The following IGF2BP1 variants were observed in gnomAD, a reference collection of about 807,000 sequenced individuals.
IGF2BP1 encodes the protein insulin like growth factor 2 mRNA binding protein 1, also known as insulin-like growth factor 2 mRNA-binding protein 1.
In IGF2BP1, 11 loss-of-function variants were observed where a neutral mutation model predicts 74.9. The ratio of observed to expected loss-of-function variants is 0.15; its 90% CI spans 0.09 to 0.24. The LOEUF is 0.24. Ranked by LOEUF, IGF2BP1 falls within the 10% of genes least tolerant of loss-of-function variation. The pLI is 1.00. For synonymous variants in IGF2BP1, 287 were observed against 281.8 expected (o/e 1.02, Z -0.18); for missense variants, 440 against 757.4 (o/e 0.58, Z 4.92).
chr17:49,040,204 C>A (rs1426434626), intron 7 of IGF2BP1, 113 bp downstream of exon 7: 2 of 1,156,798 alleles, frequency 1.7e-6, no homozygotes, highest in Non-Finnish European at 2.5e-6. Context: ...AGCAATTGCA[C>A]AAAAAGATGT....
At chr17:48,999,087 A>T (rs1046475025) in intron 1 of IGF2BP1, 22 bp from the exon 2 acceptor site, 12 of 1,160,438 alleles carry the variant, frequency 1.0e-5, no homozygotes, top group East Asian at 2.8e-5. Flanking sequence ...TCTCATGGTA[A>T]TTTTTTTTTT....
chr17:49,008,818 C>CA (rs1262960279), intron 2 of IGF2BP1, among the ~76,000 whole-genome samples: 2 of 151,912 alleles, frequency 1.3e-5, no homozygotes, highest in Admixed American at 1.3e-4. Flanking sequence ...CAAGATGCTG[C>CA]AGACGTCTGG....
chr17:49,032,320 C>T (rs998298035), intron 5 of IGF2BP1, among the ~76,000 whole-genome samples: 10 of 152,032 alleles, frequency 6.6e-5, no homozygotes, highest in Middle Eastern at 3.2e-3. Context: ...CCTTAGAGTC[C>T]TTTGCCGTGT....
intron 4 of IGF2BP1, among the ~76,000 whole-genome samples, chr17:49,028,476 T>TC (rs1447355854): frequency 6.6e-6 from 1 of 152,200 alleles, no homozygotes; most frequent in Non-Finnish European, 1.5e-5. Context: ...ACAACAGGAC[T>TC]CACTGATAAC....
At chr17:49,040,416 C>T (rs888993286) in intron 7 of IGF2BP1, among the ~76,000 whole-genome samples, 5 of 152,142 alleles carry the variant, frequency 3.3e-5, no homozygotes, top group Non-Finnish European at 7.4e-5. Context: ...GGGGTGTCGC[C>T]ATGTTACCCA....
chr17:49,044,125 A>AG, intron 11 of IGF2BP1, 39 bp downstream of exon 11: 1 of 1,608,320 alleles, frequency 6.2e-7, no homozygotes, highest in Non-Finnish European at 8.5e-7. Flanking sequence ...CTGGAAAGGG[A>AG]GGGGTCTCTG....
chr17:49,019,033 CCCTT>C (rs2041742595), intron 2 of IGF2BP1, among the ~76,000 whole-genome samples: 2 of 152,170 alleles, frequency 1.3e-5, no homozygotes, highest in South Asian at 4.1e-4. Context: ...TTGCCCTCCT[CCCTT>C]CCTTCAACTG....
chr17:49,008,864 T>A (rs1160788260), intron 2 of IGF2BP1, among the ~76,000 whole-genome samples: 4 of 152,072 alleles, frequency 2.6e-5, no homozygotes, highest in Non-Finnish European at 4.4e-5. Context: ...TTGGTACTTC[T>A]GATGTATTCA....
At chr17:49,011,087 G>A (rs549458086) in intron 2 of IGF2BP1, among the ~76,000 whole-genome samples, 1 of 130,274 alleles carries the variant, frequency 7.7e-6, no homozygotes, top group African/African-American at 2.8e-5. Flanking sequence ...GCAGTGAGCC[G>A]AGATTGTGCC....
At chr17:49,039,567 G>A (rs1180458649) in intron 6 of IGF2BP1, among the ~76,000 whole-genome samples, 1 of 152,074 alleles carries the variant, frequency 6.6e-6, no homozygotes, top group African/African-American at 2.4e-5. Context: ...TGGGATTACA[G>A]GTGTGCACCA....
intron 2 of IGF2BP1, among the ~76,000 whole-genome samples, chr17:49,004,118 G>A (rs1003954215): frequency 1.3e-5 from 2 of 152,068 alleles, no homozygotes; most frequent in Non-Finnish European, 1.5e-5. Flanking sequence ...AGGTGGGGCC[G>A]CCCGCCTGCC....
At chr17:49,030,141 C>CTTTTT (rs35530909) in intron 4 of IGF2BP1, among the ~76,000 whole-genome samples, 1 of 120,796 alleles carries the variant, frequency 8.3e-6, no homozygotes, top group Non-Finnish European at 1.7e-5. Flanking sequence ...TTTAGCTGGA[C>CTTTTT]TTTTTTTTTT....
chr17:49,047,714 C>CTTT (rs34788963), intron 14 of IGF2BP1, among the ~76,000 whole-genome samples: 6 of 137,836 alleles, frequency 4.4e-5, no homozygotes, highest in Admixed American at 2.2e-4. Context: ...TCAACTTCCT[C>CTTT]TTTTTTTTTT....
Position 49,038,198 on chromosome 17 carries a change from G to A in IGF2BP1, c.432G>A (p.Leu144=), listed in dbSNP as rs2144113181. The change falls in exon 6 of 15, where the codon TTG becomes TTA. Residue 144 remains leucine, a synonymous_variant. Transcript: ENST00000290341. ...TCATGAAGCTGAATGGCCACCAGTT[G>A]GAGAACCATGCCCTGAAGGTCTCCT... ...QAIMKLNGHQ[L]ENHALKVSYI... is the part of the protein sequence containing the mutation. 5 of 1,523,410 alleles carry A rather than the reference G, an allele frequency of 3.3e-6. No individual in the cohort carries two copies. In the South Asian group the frequency reaches 3.9e-5, roughly 12 times the overall value. The allele number at this position is 1,523,410 out of a possible 1,614,324, so 94.4% of individuals were successfully genotyped here. A position where few individuals can be genotyped will look rare whatever the true frequency, so the allele number is the denominator to read the frequency against.
intron 2 of IGF2BP1, among the ~76,000 whole-genome samples, chr17:49,015,267 C>G (rs1170735088): frequency 6.6e-6 from 1 of 152,170 alleles, no homozygotes; most frequent in Non-Finnish European, 1.5e-5. Flanking sequence ...ACCACTTTGC[C>G]CGGCCGTGAC....
intron 7 of IGF2BP1, among the ~76,000 whole-genome samples, chr17:49,040,656 CAGAG>C (rs1166470811): frequency 6.6e-6 from 1 of 152,220 alleles, no homozygotes; most frequent in Non-Finnish European, 1.5e-5. Flanking sequence ...TGTTTTAGCT[CAGAG>C]AGAATCACAC....
At chr17:49,006,218 G>A (rs2041550170) in intron 2 of IGF2BP1, among the ~76,000 whole-genome samples, 1 of 152,188 alleles carries the variant, frequency 6.6e-6, no homozygotes, top group Admixed American at 6.5e-5. Flanking sequence ...TCAGAAATAT[G>A]TGTGTAATGG....
intron 2 of IGF2BP1, among the ~76,000 whole-genome samples, chr17:49,020,616 A>G (rs2041780326): frequency 6.6e-6 from 1 of 152,068 alleles, no homozygotes; most frequent in Admixed American, 6.6e-5. Context: ...GCCAAAGTAA[A>G]CTCACTTTAG....
At chr17:48,999,626 A>G (rs1394424071) in intron 2 of IGF2BP1, among the ~76,000 whole-genome samples, 1 of 151,978 alleles carries the variant, frequency 6.6e-6, no homozygotes, top group East Asian at 1.9e-4. Flanking sequence ...AGCGATGTGG[A>G]ATGAGTTTCC....
Sources: gnomAD v4.1 joint callset for allele counts (sites outside exome capture counted in the v4.1 genomes callset) on GRCh38, gnomAD v4.1.1 for gene constraint, MANE v1.5 for transcripts, NCBI Gene and HGNC (gene_info 2026-07-23, HGNC 2026-07-21) for gene names.